PPARGC1A: variants seen among roughly 807,000 people sequenced by gnomAD.
The protein encoded by PPARGC1A is PPARG coactivator 1 alpha, also known as peroxisome proliferator-activated receptor gamma coactivator 1-alpha.
PPARGC1A carries 25 observed loss-of-function variants against 88.7 expected under a neutral mutation model. The ratio of observed to expected loss-of-function variants is 0.28; its 90% CI spans 0.21 to 0.39. The LOEUF (loss-of-function observed/expected upper bound fraction) is 0.39. Ranked by LOEUF, PPARGC1A falls within the 10% of genes least tolerant of loss-of-function variation. PPARGC1A has a pLI of 1.00. For synonymous variants in PPARGC1A, 363 were observed against 355.6 expected, an observed-to-expected ratio of 1.02 and a Z score of -0.24; for missense variants, 880 against 968.7, an observed-to-expected ratio of 0.91 and a Z score of 1.22.
At chr4:24,467,441 T>C in the PPARGC1A span, among the ~76,000 whole-genome samples, 3 of 152,322 alleles carry the variant, frequency 2.0e-5, no homozygotes, top group Admixed American at 1.3e-4. Context: ...CTTTGAGGTA[T>C]TGGCTATCTA....
the PPARGC1A span, among the ~76,000 whole-genome samples, chr4:23,988,835 T>C: frequency 6.7e-6 from 1 of 148,160 alleles, no homozygotes; most frequent in Non-Finnish European, 1.5e-5. Flanking sequence ...TTAAATAGCA[T>C]TATATATTAC....
upstream of PPARGC1A, among the ~76,000 whole-genome samples, chr4:23,905,814 T>C (rs1343048187): frequency 2.6e-5 from 4 of 152,212 alleles, no homozygotes; most frequent in Non-Finnish European, 5.9e-5. Context: ...ACAGTCTTAT[T>C]TGGCATCAAA....
the PPARGC1A span, among the ~76,000 whole-genome samples, chr4:24,082,490 G>C: frequency 6.6e-6 from 1 of 152,118 alleles, no homozygotes; most frequent in Admixed American, 6.5e-5. Context: ...CTTAAATTGA[G>C]CTTGAGACAA....
the PPARGC1A span, among the ~76,000 whole-genome samples, chr4:24,131,669 C>T: frequency 1.3e-5 from 2 of 152,326 alleles, no homozygotes; most frequent in Non-Finnish European, 2.9e-5. Flanking sequence ...AATCAAACCA[C>T]ATTATCTAAA....
At chr4:24,319,693 C>A in the PPARGC1A span, among the ~76,000 whole-genome samples, 1 of 152,326 alleles carries the variant, frequency 6.6e-6, no homozygotes, top group East Asian at 1.9e-4. Flanking sequence ...TATGTTCATA[C>A]AACTAACGGT....
At chr4:24,136,669 C>A in the PPARGC1A span, among the ~76,000 whole-genome samples, 1 of 152,140 alleles carries the variant, frequency 6.6e-6, no homozygotes, top group South Asian at 2.1e-4. Context: ...CCTTTCCCAG[C>A]CTGTTTCCTC....
chr4:24,310,147 C>A, the PPARGC1A span, among the ~76,000 whole-genome samples: 7 of 152,214 alleles, frequency 4.6e-5, no homozygotes, highest in Middle Eastern at 6.8e-3. Flanking sequence ...TGAGTAGGTG[C>A]CTTGGCTGTA....
the PPARGC1A span, among the ~76,000 whole-genome samples, chr4:23,937,282 A>G: frequency 6.1e-3 from 931 of 152,210 alleles, 12 homozygotes; most frequent in African/African-American, 0.021. Flanking sequence ...TCTCCCACCA[A>G]CATAGGGAGC....
At chr4:24,387,805 A>G in the PPARGC1A span, among the ~76,000 whole-genome samples, 1 of 116,578 alleles carries the variant, frequency 8.6e-6, no homozygotes, top group African/African-American at 2.9e-5. Context: ...AGAAAGAAAG[A>G]AAGAAAGAAA....
the PPARGC1A span, among the ~76,000 whole-genome samples, chr4:24,184,106 G>A: frequency 6.6e-6 from 1 of 152,166 alleles, no homozygotes; most frequent in Non-Finnish European, 1.5e-5. Context: ...TAAGCTACCT[G>A]GAATTGGGGA....
the PPARGC1A span, among the ~76,000 whole-genome samples, chr4:24,065,333 C>A: frequency 6.6e-6 from 1 of 151,748 alleles, no homozygotes; most frequent in Non-Finnish European, 1.5e-5. Flanking sequence ...GAACTACATC[C>A]TGTCCTTCAC....
chr4:24,342,408 C>T, the PPARGC1A span, among the ~76,000 whole-genome samples: 2 of 152,196 alleles, frequency 1.3e-5, no homozygotes, highest in African/African-American at 4.8e-5. Flanking sequence ...AGGGAATTTG[C>T]CCAAGATCAC....
At chr4:24,402,265 G>A in the PPARGC1A span, among the ~76,000 whole-genome samples, 1 of 152,162 alleles carries the variant, frequency 6.6e-6, no homozygotes, top group African/African-American at 2.4e-5. Flanking sequence ...CAGGGTTCTT[G>A]GACTCTGCAG....
the PPARGC1A span, among the ~76,000 whole-genome samples, chr4:24,167,729 C>A: frequency 2.0e-5 from 3 of 152,074 alleles, no homozygotes; most frequent in African/African-American, 4.8e-5. Context: ...GCATTTTTAG[C>A]AAGAAAGATT....
chr4:24,405,560 G>A, the PPARGC1A span, among the ~76,000 whole-genome samples: 11 of 152,266 alleles, frequency 7.2e-5, no homozygotes, highest in East Asian at 1.2e-3. Context: ...TCAATCTAGC[G>A]CAGCTCCCAT....
the PPARGC1A span, among the ~76,000 whole-genome samples, chr4:24,155,967 C>A: frequency 6.6e-5 from 10 of 152,182 alleles, no homozygotes; most frequent in Admixed American, 6.5e-4. Flanking sequence ...CTATACCCAG[C>A]TGTTTTCTTT....
Position 23,802,257 on chromosome 4 carries a change from A to C in PPARGC1A, c.2108T>G (p.Ile703Ser). Residue 703 changes from isoleucine (I) to serine (S), a missense_variant, in exon 11 of 13, where the codon ATT (isoleucine) becomes AGT (serine). Physicochemically the swap from Ile to Ser is moderately radical, Grantham distance 142. Coordinates refer to ENST00000264867, the MANE Select transcript of PPARGC1A (RefSeq NM_013261.5). ...CCGCAGATTTACTGTGCACTCCTCAATTTCACCAAAAACTTCAAAACGGTC... is the reference window on the plus strand; with the variant it reads ...CCGCAGATTTACTGTGCACTCCTCACTTTCACCAAAAACTTCAAAACGGTC... ...LRDRFEVFGE[I>S]EECTVNLRDD... 1 of 1,613,950 alleles carries C rather than the reference A, an allele frequency of 6.2e-7. No homozygotes were observed. The highest frequency in any genetic ancestry group is 8.5e-7 in the Non-Finnish European group (1 of 1,179,942).
chr4:24,438,296 G>A, the PPARGC1A span, among the ~76,000 whole-genome samples: 1 of 152,156 alleles, frequency 6.6e-6, no homozygotes, highest in Non-Finnish European at 1.5e-5. Context: ...TGAGAGTTGG[G>A]GCTGGAATGA....
At chr4:23,864,482 G>A (rs1383012612) in intron 2 of PPARGC1A, among the ~76,000 whole-genome samples, 1 of 152,194 alleles carries the variant, frequency 6.6e-6, no homozygotes, top group African/African-American at 2.4e-5. Context: ...ATACCTTCAG[G>A]AGTAGCAGCA....
Sources: gnomAD v4.1 joint callset for allele counts (sites outside exome capture counted in the v4.1 genomes callset) on GRCh38, gnomAD v4.1.1 for gene constraint, MANE v1.5 for transcripts, NCBI Gene and HGNC (gene_info 2026-07-23, HGNC 2026-07-21) for gene names.